The following ABCC5 variants were observed in gnomAD, a reference collection of about 807,000 sequenced individuals.
ABCC5 encodes the protein ATP binding cassette subfamily C member 5, also known as ATP-binding cassette sub-family C member 5.
Under a neutral mutation model 160.9 loss-of-function variants are expected in ABCC5, and 61 were observed. The observed-to-expected ratio is 0.38, with a 90% confidence interval of 0.31 to 0.47. The LOEUF is 0.47. Ranked by LOEUF, ABCC5 falls within the 20% of genes least tolerant of loss-of-function variation. The pLI, the probability that ABCC5 is intolerant of heterozygous loss-of-function variation, is 0.99. For missense variants in ABCC5, 1,308 were observed against 1,813.3 expected (o/e 0.72, Z 5.06); for synonymous variants, 666 against 700.6 (o/e 0.95, Z 0.78).
intron 22 of ABCC5, among the ~76,000 whole-genome samples, chr3:183,948,385 T>A (rs1715044486): frequency 6.6e-6 from 1 of 152,212 alleles, no homozygotes; most frequent in Admixed American, 6.5e-5. Flanking sequence ...ATTTACTGTG[T>A]GTAGGTATAT....
At position 183,951,179 on chromosome 3, in the gene ABCC5, C is replaced by T. The variant is rs200649754; in HGVS notation, c.2944+262G>A. On this transcript the variant is annotated intron_variant, in intron 20 of 29. Coordinates refer to ENST00000334444, the MANE Select transcript of ABCC5 (RefSeq NM_005688.4). This position sits in a 1 kb window ranked among gnomAD's most constrained non-coding sequence, Gnocchi z 4.7. Reference sequence around the variant, plus strand: ...TGCCAGGTTGTAGGCATCCAGAAACCAATGCATTGCTTTAAAATCTGTGTG... The same window carrying T: ...TGCCAGGTTGTAGGCATCCAGAAACTAATGCATTGCTTTAAAATCTGTGTG... 1.3e-5 allele frequency among the ~76,000 whole-genome samples: 2 copies of T among 152,328 alleles called. No homozygotes were observed. The highest frequency in any genetic ancestry group is 3.9e-4 in the East Asian group (2 of 5,184).
Position 183,987,816 on chromosome 3 carries a change from G to C in ABCC5, c.545C>G (p.Ser182Cys), listed in dbSNP as rs1283289305. The C allele has an allele frequency of 3.7e-6, 6 of 1,613,890 alleles. No individual in the cohort carries two copies. Among genetic ancestry groups the C allele is most frequent in the Non-Finnish European group, 5.1e-6 (6 of 1,180,008 alleles). Residue 182 changes from serine to cysteine, a missense_variant, in exon 5 of 30, where the codon TCC becomes TGC. Coordinates refer to ENST00000334444, the MANE Select transcript of ABCC5 (RefSeq NM_005688.4). This position sits in a 1 kb window ranked among gnomAD's most constrained non-coding sequence, Gnocchi z 4.2. Reference sequence around the variant, plus strand: ...CTGCGTGATCATCAGGCACACGATGGACAGGATGAGCCTGGTGCGGCAGAA... The same window carrying C: ...CTGCGTGATCATCAGGCACACGATGCACAGGATGAGCCTGGTGCGGCAGAA... ...WIFCRTRLIL[S>C]IVCLMITQLA...
At chr3:183,965,046 T>C (rs763831302) in intron 14 of ABCC5, 139 bp downstream of exon 14, 30 of 779,378 alleles carry the variant, frequency 3.8e-5, no homozygotes, top group Non-Finnish European at 6.0e-5. Flanking sequence ...GACACATGCT[T>C]TCCTAACACA....
At chr3:183,968,476 T>C (rs770388396) in intron 11 of ABCC5, among the ~76,000 whole-genome samples, 19 of 152,302 alleles carry the variant, frequency 1.2e-4, no homozygotes, top group Non-Finnish European at 2.5e-4. Context: ...TTAAAAATCA[T>C]TTTATTATGA....
chr3:183,961,595 G>T lies in ABCC5; in HGVS notation c.2295C>A (p.Gly765=). Residue 765 remains glycine, a synonymous_variant, in exon 16 of 30, where the codon GGC becomes GGA. Coordinates refer to ENST00000334444, the MANE Select transcript of ABCC5 (RefSeq NM_005688.4). ...TTAAATTCATCAGTTCCTCATGGGT[G>T]CCTCTTTCCGTAATACAGCCCTCTT... ...FMKEGCITER[G]THEELMNLNG... The T allele has an allele frequency of 6.2e-7, 1 of 1,614,222 alleles. No homozygotes were observed. The highest frequency in any genetic ancestry group is 8.5e-7 in the Non-Finnish European group (1 of 1,180,028).
chr3:183,921,467 C>A lies in ABCC5; in HGVS notation c.4213-66G>T. The A allele has an allele frequency of 6.7e-7, 1 of 1,485,458 alleles. No homozygotes were observed. The highest frequency in any genetic ancestry group is 1.8e-4 in the Middle Eastern group (1 of 5,674). The allele number at this position is 1,485,458 out of a possible 1,614,324, so 92.0% of individuals were successfully genotyped here. ...CATGCAGGGTGATTCAGAGGATCCA[C>A]GGCTCAGTAAGTGCCAGTGCCCTCT... On this transcript the variant is annotated intron_variant, in intron 29 of 29. Coordinates refer to ENST00000334444, the MANE Select transcript of ABCC5 (RefSeq NM_005688.4). This position sits in a 1 kb window ranked among gnomAD's most constrained non-coding sequence, Gnocchi z 4.1.
chr3:183,948,239 T>C (rs1252349985), intron 22 of ABCC5, among the ~76,000 whole-genome samples: 1 of 152,216 alleles, frequency 6.6e-6, no homozygotes, highest in African/African-American at 2.4e-5. Context: ...CAATAAAATA[T>C]GTAATCTTTA....
At chr3:183,973,481 T>C (rs1280926951) in intron 10 of ABCC5, among the ~76,000 whole-genome samples, 2 of 152,202 alleles carry the variant, frequency 1.3e-5, no homozygotes, top group Admixed American at 6.5e-5. Flanking sequence ...AGATAGCTTT[T>C]AGGGTCAGGA....
intron 12 of ABCC5, among the ~76,000 whole-genome samples, chr3:183,965,933 G>C (rs746732359): frequency 6.6e-5 from 10 of 151,914 alleles, no homozygotes; most frequent in Non-Finnish European, 1.0e-4. Flanking sequence ...TATGAAATGA[G>C]GACCAAGGGA....
chr3:183,927,340 C>T lies in ABCC5; in HGVS notation c.4037G>A (p.Arg1346His). ...CCCAAACTGCCTTACCTTACAGTGG[C>T]GGAGCAGGGCTCTAGCTATGCACAA... ...QLLCIARALL[R>H]HCKILILDEA... Residue 1346 changes from arginine to histidine, a missense_variant, in exon 28 of 30, where the codon CGC becomes CAC. Coordinates refer to ENST00000334444, the MANE Select transcript of ABCC5 (RefSeq NM_005688.4). The T allele has an allele frequency of 1.9e-6, 3 of 1,612,714 alleles. No individual in the cohort carries two copies. Among genetic ancestry groups the T allele is most frequent in the Non-Finnish European group, 2.5e-6 (3 of 1,179,328 alleles).
intron 26 of ABCC5, among the ~76,000 whole-genome samples, chr3:183,929,028 T>G (rs983704327): frequency 5.9e-5 from 9 of 152,218 alleles, no homozygotes; most frequent in Admixed American, 3.9e-4. Context: ...AAAACTTGAT[T>G]TATTCTTTTA....
chr3:183,975,683 A>G (rs1718153321), intron 10 of ABCC5, among the ~76,000 whole-genome samples: 3 of 152,158 alleles, frequency 2.0e-5, no homozygotes, highest in African/African-American at 7.2e-5. Flanking sequence ...TAATTAAAAA[A>G]AGAATAACAA....
At chr3:183,950,938 C>G (rs1196138916) in intron 20 of ABCC5, among the ~76,000 whole-genome samples, 1 of 152,168 alleles carries the variant, frequency 6.6e-6, no homozygotes, top group African/African-American at 2.4e-5. Context: ...CTTGACCTTT[C>G]CAGATAGCAG....
intron 10 of ABCC5, among the ~76,000 whole-genome samples, chr3:183,972,654 T>C (rs900602959): frequency 6.6e-6 from 1 of 151,786 alleles, no homozygotes; most frequent in African/African-American, 2.4e-5. Context: ...GAAAAATAAT[T>C]TTTTTTTTGA....
In ABCC5 at chr3:183,988,712, C is replaced by A. The variant is rs770515491; in HGVS notation, c.303G>T (p.Val101=). The A allele has an allele frequency of 1.5e-5, 25 of 1,613,866 alleles. No homozygotes were observed. The Admixed American group carries it at 4.0e-4, about 26-fold the overall frequency. ...IRTTSKHQHP[V]DNAGLFSCMT... ...TACAGGAAAAAAGCCCAGCATTGTC[C>A]ACTGGGTGCTGGTGTCTAAGGAGAG... The change falls in exon 4 of 30, where the codon GTG becomes GTT. Residue 101 remains valine (V), a synonymous_variant. Transcript: ENST00000334444. This position sits in a 1 kb window ranked among gnomAD's most constrained non-coding sequence, Gnocchi z 4.4.
chr3:183,930,380 C>G (rs1345175213), intron 26 of ABCC5, among the ~76,000 whole-genome samples: 1 of 152,222 alleles, frequency 6.6e-6, no homozygotes, highest in African/African-American at 2.4e-5. Flanking sequence ...GGAACATGCT[C>G]GCTTCTCACT....
At chr3:183,939,148 A>C (rs374124594) in intron 25 of ABCC5, among the ~76,000 whole-genome samples, 38 of 152,258 alleles carry the variant, frequency 2.5e-4, no homozygotes, top group African/African-American at 9.1e-4. Flanking sequence ...TTAACACTGC[A>C]TTGGCCGGGC....
chr3:183,957,741 C>CACGCAG (rs1560006702), intron 17 of ABCC5, among the ~76,000 whole-genome samples: 15 of 151,638 alleles, frequency 9.9e-5, no homozygotes, highest in East Asian at 9.7e-4. Flanking sequence ...ACATCGGTTA[C>CACGCAG]ATGCGGATCC....
At chr3:183,985,338 C>T in intron 5 of ABCC5, 1 of 1,614,028 alleles carries the variant, frequency 6.2e-7, no homozygotes, top group Non-Finnish European at 8.5e-7. Flanking sequence ...CCCAGCTTGA[C>T]TCTCTCATTC....
Sources: gnomAD v4.1 joint callset for allele counts (sites outside exome capture counted in the v4.1 genomes callset) on GRCh38, gnomAD v4.1.1 for gene constraint, Gnocchi (gnomAD v3.1) non-coding constraint, MANE v1.5 for transcripts, NCBI Gene and HGNC (gene_info 2026-07-23, HGNC 2026-07-21) for gene names.